ATG10: variants seen among roughly 807,000 people sequenced by gnomAD.
ATG10 encodes ubiquitin-like-conjugating enzyme ATG10.
In ATG10, 30 loss-of-function variants were observed where a neutral mutation model predicts 32.1. That is an observed-to-expected ratio of 0.94 (90% CI 0.70 to 1.27). The LOEUF is 1.27. Ranked by LOEUF, ATG10 falls within the 50% of genes most tolerant of loss-of-function variation. The pLI is 0.00. For missense variants in ATG10, 233 were observed against 262.3 expected (o/e 0.89, Z 0.77); for synonymous variants, 87 against 91.5 (o/e 0.95, Z 0.28).
chr5:82,166,620 A>C (rs1027936902), intron 4 of ATG10, among the ~76,000 whole-genome samples: 4 of 151,746 alleles, frequency 2.6e-5, no homozygotes, highest in Non-Finnish European at 5.9e-5. Flanking sequence ...TTCCCCCCCC[A>C]GTCTTTTTTA....
chr5:82,114,047 T>C (rs1765700261), intron 3 of ATG10, among the ~76,000 whole-genome samples: 1 of 152,032 alleles, frequency 6.6e-6, no homozygotes, highest in African/African-American at 2.4e-5. Context: ...TTGAAAGACC[T>C]GCATCAACCC....
intron 2 of ATG10, among the ~76,000 whole-genome samples, chr5:82,057,178 G>A (rs984588230): frequency 1.3e-5 from 2 of 152,188 alleles, no homozygotes; most frequent in Non-Finnish European, 2.9e-5. Flanking sequence ...AGCCCCCTGA[G>A]TGAGAGCTGG....
chr5:82,124,606 T>C (rs184891353), intron 3 of ATG10, among the ~76,000 whole-genome samples: 103 of 152,172 alleles, frequency 6.8e-4, no homozygotes, highest in African/African-American at 2.3e-3. Flanking sequence ...GCTTTATCCA[T>C]GTCCCTACAA....
rs1864182 is a variant in ATG10 at position 82,253,421 on chromosome 5, C to G, written c.659C>G (p.Pro220Arg). 2 of 1,569,832 alleles carry G rather than the reference C, an allele frequency of 1.3e-6. No individual in the cohort carries two copies. The highest frequency in any genetic ancestry group is 3.3e-5 in the Admixed American group (2 of 59,906). ...ACGTCTCAGGATGAACGAAATGTCC[C>G]TTAACAAGGTAAAAGAAAAGCCTGG... ...KATSQDERNV[P>R] The change falls in exon 7 of 8, where the codon CCT becomes CGT. Residue 220 changes from proline (P) to arginine (R), a missense_variant. By Grantham distance (103) the Pro-to-Arg change is moderately radical. Transcript: ENST00000282185.
intron 3 of ATG10, among the ~76,000 whole-genome samples, chr5:82,093,215 C>T (rs1397997254): frequency 6.6e-6 from 1 of 152,178 alleles, no homozygotes; most frequent in Non-Finnish European, 1.5e-5. Flanking sequence ...CCCCATTTCT[C>T]TTCTTTGGGG....
chr5:81,983,925 C>T (rs1761165467), intron 1 of ATG10, among the ~76,000 whole-genome samples: 1 of 151,326 alleles, frequency 6.6e-6, no homozygotes, highest in Non-Finnish European at 1.5e-5. Flanking sequence ...CAGAGACACT[C>T]CTCACTTCCT....
chr5:82,250,613 C>T (rs1747216933), intron 5 of ATG10, among the ~76,000 whole-genome samples: 1 of 152,116 alleles, frequency 6.6e-6, no homozygotes, highest in Admixed American at 6.5e-5. Flanking sequence ...AGTCTAATGT[C>T]ACCACAATCC....
At position 82,027,694 on chromosome 5, in the gene ATG10, A is replaced by G. The variant is rs192560352; in HGVS notation, c.109-30801A>G. ...TGTTCTTACTTTTCAATCTTATTGA[A>G]TAACTTTTCATTAAAGCTACAAAGC... On this transcript the variant is annotated intron_variant, in intron 2 of 7. Coordinates refer to ENST00000282185, the MANE Select transcript of ATG10 (RefSeq NM_031482.5). Among the ~76,000 whole-genome samples the G allele has an allele frequency of 1.1e-3, 175 of 152,348 alleles. 4 individuals carry two copies. The Middle Eastern group carries it at 0.02, about 18-fold the overall frequency.
intron 3 of ATG10, among the ~76,000 whole-genome samples, chr5:82,093,046 T>C (rs148884970): frequency 6.6e-6 from 1 of 152,328 alleles, no homozygotes; most frequent in African/African-American, 2.4e-5. Flanking sequence ...ATTTGGTGAC[T>C]ATACTTGCAC....
chr5:82,069,682 G>A (rs1414376768), intron 3 of ATG10, among the ~76,000 whole-genome samples: 6 of 151,962 alleles, frequency 3.9e-5, no homozygotes, highest in South Asian at 2.1e-4. Context: ...TCAATATACT[G>A]CGAACTTAAC....
chr5:82,081,692 A>G (rs1035879965), intron 3 of ATG10, among the ~76,000 whole-genome samples: 3 of 152,226 alleles, frequency 2.0e-5, no homozygotes, highest in African/African-American at 7.2e-5. Flanking sequence ...CCAGCCTTAC[A>G]TACCAGGGAT....
rs78024318 is a variant in ATG10 at position 82,222,206 on chromosome 5, T to C, written c.454-30356T>C. On this transcript the variant is annotated intron_variant, in intron 5 of 7. Coordinates refer to ENST00000282185, the MANE Select transcript of ATG10 (RefSeq NM_031482.5). ...GTACACCAACTTCCCAATTTAATAA[T>C]GAAACTAGTTAAATGGGAAGTGGTA... is the stretch of plus-strand genomic sequence containing the variant. 1.5e-3 allele frequency among the ~76,000 whole-genome samples: 236 copies of C among 152,342 alleles called. 8 individuals are homozygous for C. In the East Asian group the frequency reaches 0.044, roughly 29 times the overall value.
chr5:82,140,011 A>T (rs1290593450), intron 3 of ATG10, among the ~76,000 whole-genome samples: 41 of 95,558 alleles, frequency 4.3e-4, no homozygotes, highest in Admixed American at 6.0e-4. Context: ...GGCCGCCCCT[A>T]CTGGGAAGTG....
At chr5:82,149,412 C>T (rs1767498455) in intron 3 of ATG10, among the ~76,000 whole-genome samples, 1 of 152,054 alleles carries the variant, frequency 6.6e-6, no homozygotes, top group Non-Finnish European at 1.5e-5. Context: ...CCCATTCTAA[C>T]ACATGGACCC....
intron 4 of ATG10, among the ~76,000 whole-genome samples, chr5:82,166,099 T>C (rs546606798): frequency 6.6e-6 from 1 of 152,340 alleles, no homozygotes; most frequent in East Asian, 1.9e-4. Flanking sequence ...TTTGCTCTTA[T>C]GTGCCAACAG....
chr5:81,985,652 A>G (rs531515763), intron 1 of ATG10, among the ~76,000 whole-genome samples: 6 of 152,218 alleles, frequency 3.9e-5, no homozygotes, highest in African/African-American at 7.2e-5. Context: ...TCCCTCACCA[A>G]TCTTTTCAGT....
chr5:82,203,502 A>T (rs1230015120), intron 5 of ATG10, among the ~76,000 whole-genome samples: 1 of 152,062 alleles, frequency 6.6e-6, no homozygotes, highest in African/African-American at 2.4e-5. Context: ...TTTAGTTTTA[A>T]TCGGTGGGAG....
intron 5 of ATG10, among the ~76,000 whole-genome samples, chr5:82,203,184 C>T (rs558295107): frequency 8.6e-5 from 13 of 151,524 alleles, no homozygotes; most frequent in African/African-American, 2.9e-4. Context: ...GCCGAGATCG[C>T]ACCACTGCAC....
intron 3 of ATG10, among the ~76,000 whole-genome samples, chr5:82,152,508 C>G (rs1318409875): frequency 6.6e-6 from 1 of 152,194 alleles, no homozygotes; most frequent in Non-Finnish European, 1.5e-5. Context: ...ATTTCTGCAA[C>G]TTTATTCAAT....
Sources: gnomAD v4.1 joint callset for allele counts (sites outside exome capture counted in the v4.1 genomes callset) on GRCh38, gnomAD v4.1.1 for gene constraint, MANE v1.5 for transcripts, NCBI Gene and HGNC (gene_info 2026-07-23, HGNC 2026-07-21) for gene names.